Variants in XPO5 observed in about 807,000 individuals in gnomAD.
XPO5 encodes the protein exportin 5.
In XPO5, 46 loss-of-function variants were observed where a neutral mutation model predicts 160.6. That is an observed-to-expected ratio of 0.29 (90% CI 0.23 to 0.37). XPO5 has a LOEUF of 0.37. Ranked by LOEUF, XPO5 falls within the 10% of genes least tolerant of loss-of-function variation. The pLI is 1.00. For missense variants in XPO5, 1,090 were observed against 1,463.9 expected (o/e 0.74, Z 4.17); for synonymous variants, 537 against 519.3 (o/e 1.03, Z -0.46).
At chr6:43,534,035 T>C in intron 20 of XPO5, 28 bp from the exon 21 acceptor site, 1 of 1,549,058 alleles carries the variant, frequency 6.5e-7, no homozygotes, top group South Asian at 1.1e-5. Flanking sequence ...GCTATTGAGC[T>C]TTTCCATCTG....
intron 16 of XPO5, 91 bp downstream of exon 16, chr6:43,549,802 C>G (rs1041140832): frequency 2.2e-6 from 3 of 1,372,202 alleles, no homozygotes; most frequent in East Asian, 2.5e-5. Context: ...ACTACCCCCT[C>G]CCATTTATAT....
chr6:43,527,017 T>G, intron 26 of XPO5: 2 of 404,536 alleles, frequency 4.9e-6, no homozygotes, highest in East Asian at 7.9e-5. Flanking sequence ...GATACATCCC[T>G]GGTCTACTTT....
At chr6:43,547,494 C>T in intron 19 of XPO5, 114 bp downstream of exon 19, 2 of 887,798 alleles carry the variant, frequency 2.3e-6, no homozygotes. Context: ...GAAGTGGAGA[C>T]TCCCACGTTT....
intron 20 of XPO5, among the ~76,000 whole-genome samples, chr6:43,535,445 C>T (rs1441508772): frequency 6.6e-6 from 1 of 151,270 alleles, no homozygotes; most frequent in Non-Finnish European, 1.5e-5. Context: ...TAAAAATTAG[C>T]CAGGTGTGGT....
Position 43,525,136 on chromosome 6 carries a change from A to C in XPO5, c.3145T>G (p.Ser1049Ala), listed in dbSNP as rs1182990144. 1 of 1,580,684 alleles carries C rather than the reference A, an allele frequency of 6.3e-7. No homozygotes were observed. The highest frequency in any genetic ancestry group is 8.6e-7 in the Non-Finnish European group (1 of 1,162,538). ...KDTLSCQRTT[S>A]QLCWPLLKQV... ...TTGAGGAGAGGCCAGCAGAGCTGTGAGGTTGTCCTCTGGCAGGACAGAGTA... is the reference window on the plus strand; with the variant it reads ...TTGAGGAGAGGCCAGCAGAGCTGTGCGGTTGTCCTCTGGCAGGACAGAGTA... The change falls in exon 29 of 32, where the codon TCA becomes GCA. Residue 1049 changes from serine (S) to alanine (A), a missense_variant. Around this residue, in one of 3 missense-constraint regions of XPO5, gnomAD observed 810 missense variants for 1,139.0 expected, o/e 0.71. Coordinates refer to ENST00000265351, the MANE Select transcript of XPO5 (RefSeq NM_020750.3).
In XPO5 at chr6:43,556,918, G is replaced by A. The variant is rs148176627; in HGVS notation, c.1313-954C>T. On this transcript the variant is annotated intron_variant, in intron 12 of 31. Coordinates refer to ENST00000265351, the MANE Select transcript of XPO5 (RefSeq NM_020750.3). ...CAAGGCAGGTGAATCAGCTGAGGTC[G>A]GGAGTTCGAGACCAGCCTGGCCAAC... is the stretch of plus-strand genomic sequence containing the variant. Among the ~76,000 whole-genome samples the A allele has an allele frequency of 7.1e-3, 1,086 of 152,114 alleles. 9 individuals carry two copies. Among genetic ancestry groups the A allele is most frequent in the African/African-American group, 0.025 (1,034 of 41,510 alleles).
chr6:43,535,358 G>C (rs961837495), intron 20 of XPO5, among the ~76,000 whole-genome samples: 3 of 152,078 alleles, frequency 2.0e-5, no homozygotes, highest in South Asian at 2.1e-4. Context: ...GGGAGGCCGA[G>C]GTGGGTGGAT....
Position 43,573,648 on chromosome 6 carries a change from G to A in XPO5, c.106-47C>T, listed in dbSNP as rs989768436. 3.8e-6 allele frequency: 6 copies of A among 1,573,320 alleles called. No individual in the cohort carries two copies. The African/African-American group carries it at 5.4e-5, about 14-fold the overall frequency. ...TTTCCTTTCGAGGGCTGAGAGAATA[G>A]GGACTAAAAGAATTTCATCTTAAGA... On this transcript the variant is annotated intron_variant, in intron 1 of 31. Transcript: ENST00000265351.
In XPO5 at chr6:43,548,392, C is replaced by G; in HGVS notation, c.1929G>C (p.Met643Ile). ...GGGCTTCCATGAGGGCACACTTCTC[C>G]ATTTGTGTCAGGAGTAGCTCATTGG... ...LLSNELLLTQ[M>I]EKCALMEALV... Residue 643 changes from methionine to isoleucine, a missense_variant, in exon 18 of 32, where the codon ATG becomes ATC. Coordinates refer to ENST00000265351, the MANE Select transcript of XPO5 (RefSeq NM_020750.3). 1 of 1,612,862 alleles carries G rather than the reference C, an allele frequency of 6.2e-7. No individual in the cohort carries two copies. Among genetic ancestry groups the G allele is most frequent in the Non-Finnish European group, 8.5e-7 (1 of 1,179,158 alleles).
chr6:43,539,794 A>T (rs1030501069), intron 20 of XPO5: 3 of 563,300 alleles, frequency 5.3e-6, no homozygotes, highest in African/African-American at 3.8e-5. Context: ...AAGGTCTGGG[A>T]GAACTCCCAT....
chr6:43,560,384 A>G (rs908935227), intron 10 of XPO5, 81 bp from the exon 11 acceptor site: 1 of 1,448,578 alleles, frequency 6.9e-7, no homozygotes, highest in African/African-American at 1.4e-5. Flanking sequence ...TATCAACTAC[A>G]TTTTTTCATA....
At chr6:43,541,032 G>A (rs898304599) in intron 20 of XPO5, among the ~76,000 whole-genome samples, 7 of 152,070 alleles carry the variant, frequency 4.6e-5, no homozygotes, top group Non-Finnish European at 1.0e-4. Context: ...CTCACTCTTT[G>A]TGGAATCTAA....
chr6:43,573,632 G>C (rs764946271), intron 1 of XPO5, 31 bp from the exon 2 acceptor site: 1 of 1,596,884 alleles, frequency 6.3e-7, no homozygotes, highest in Non-Finnish European at 8.5e-7. Flanking sequence ...GTTTCCTTTC[G>C]AGGGCTGAGA....
rs1177519808 is a variant in XPO5, at chr6:43,523,939, T to G, written c.3544A>C (p.Thr1182Pro). The G allele has an allele frequency of 2.5e-6, 4 of 1,614,010 alleles. No individual in the cohort carries two copies. The South Asian group carries it at 3.3e-5, about 13-fold the overall frequency. ...IKNLPSLFKKTKPMLETEVLD... is the reference protein window; with the variant it reads ...IKNLPSLFKKPKPMLETEVLD... Reference sequence around the variant, plus strand: ...ACCTCCGTCTCCAGCATTGGCTTTGTTTTTTTGAAAAGTGAGGGAAGATTC... The same window carrying G: ...ACCTCCGTCTCCAGCATTGGCTTTGGTTTTTTGAAAAGTGAGGGAAGATTC... The change falls in exon 32 of 32, where the codon ACA becomes CCA. Residue 1182 changes from threonine to proline, a missense_variant. Coordinates refer to ENST00000265351, the MANE Select transcript of XPO5 (RefSeq NM_020750.3).
chr6:43,539,878 T>C (rs548882058), intron 20 of XPO5, among the ~76,000 whole-genome samples: 1 of 152,404 alleles, frequency 6.6e-6, no homozygotes, highest in South Asian at 2.1e-4. Context: ...AAGTTATATC[T>C]CTTTAGGTTT....
At position 43,522,734 on chromosome 6, in the gene XPO5, AC is replaced by A. The variant is rs753057562; in HGVS notation, c.*1133del. On this transcript the variant is annotated 3_prime_UTR_variant, in exon 32 of 32. Coordinates refer to ENST00000265351, the MANE Select transcript of XPO5 (RefSeq NM_020750.3). ...ACCCTCTTGTCAGTGGACTGGATGG[AC>A]AACAGGTCTGTTTTTGTGCAGAGCA... 1.0e-5 allele frequency: 5 copies of A among 499,858 alleles called. No homozygotes were observed. The highest frequency in any genetic ancestry group is 1.7e-5 in the Non-Finnish European group (4 of 239,442). 31.0% of individuals were successfully genotyped at this position (499,858 alleles called of 1,614,324 possible).
chr6:43,539,347 G>A, intron 20 of XPO5: 2 of 1,579,524 alleles, frequency 1.3e-6, no homozygotes, highest in Non-Finnish European at 1.7e-6. Flanking sequence ...TGGTGCGCTG[G>A]CCAGCACGGG....
chr6:43,546,781 T>G, intron 19 of XPO5, 29 bp from the exon 20 acceptor site: 1 of 1,457,580 alleles, frequency 6.9e-7, no homozygotes, highest in Non-Finnish European at 9.1e-7. Context: ...GACAGATAAA[T>G]ATTAAAAGGA....
At chr6:43,570,358 C>G in intron 5 of XPO5, 144 bp downstream of exon 5, 200 of 353,150 alleles carry the variant, frequency 5.7e-4, no homozygotes, top group Non-Finnish European at 6.8e-4. Flanking sequence ...TCCAGTTTTT[C>G]TGTCATTTCC....
Sources: gnomAD v4.1 joint callset for allele counts (sites outside exome capture counted in the v4.1 genomes callset) on GRCh38, gnomAD v4.1.1 for gene constraint, gnomAD v4.1.1 regional missense constraint, MANE v1.5 for transcripts, NCBI Gene and HGNC (gene_info 2026-07-23, HGNC 2026-07-21) for gene names.